PTPRR: variants seen among roughly 807,000 people sequenced by gnomAD.
PTPRR encodes receptor-type tyrosine-protein phosphatase R.
A neutral mutation model predicts 77.2 loss-of-function variants in PTPRR; 38 were observed. That is an observed-to-expected ratio of 0.49 (90% CI 0.38 to 0.65). The LOEUF (loss-of-function observed/expected upper bound fraction) is 0.65, where lower values mean the gene tolerates loss of function less well. Among genes scored for constraint, PTPRR ranks in the 30% least tolerant of loss-of-function variants. The pLI, the probability that PTPRR is intolerant of heterozygous loss-of-function variation, is 0.00. For missense variants in PTPRR, 744 were observed against 799.2 expected, an observed-to-expected ratio of 0.93 and a Z score of 0.83; for synonymous variants, 299 against 283.1, an observed-to-expected ratio of 1.06 and a Z score of -0.57.
chr12:70,777,722 C>G (rs1891119411), intron 2 of PTPRR, among the ~76,000 whole-genome samples: 1 of 152,144 alleles, frequency 6.6e-6, no homozygotes, highest in Admixed American at 6.5e-5. Context: ...TGGATGGGTC[C>G]AGGGTCACCC....
chr12:70,790,945 T>C (rs1891412173), intron 2 of PTPRR, among the ~76,000 whole-genome samples: 1 of 152,118 alleles, frequency 6.6e-6, no homozygotes. Context: ...CAGTTAGCAT[T>C]ACCTATCAAC....
At chr12:70,832,567 G>A (rs1391428798) in intron 2 of PTPRR, among the ~76,000 whole-genome samples, 2 of 152,062 alleles carry the variant, frequency 1.3e-5, no homozygotes, top group Non-Finnish European at 2.9e-5. Context: ...CTTACTTGCA[G>A]GTGACATGGT....
rs559649722 is a variant in PTPRR, at chr12:70,688,415, A to T, written c.1280-3632T>A. Among the ~76,000 whole-genome samples the T allele has an allele frequency of 4.3e-4, 66 of 152,346 alleles. 2 individuals are homozygous for T. In the South Asian group the frequency reaches 0.013, roughly 30 times the overall value. On this transcript the variant is annotated intron_variant, in intron 8 of 13. Transcript: ENST00000283228. ...TTGAATAGACATTTCTAAAAACAAG[A>T]CATGCAAATGTCCAACAGATCTACG...
intron 1 of PTPRR, among the ~76,000 whole-genome samples, chr12:70,911,599 T>C (rs1405859423): frequency 1.3e-5 from 2 of 152,178 alleles, no homozygotes; most frequent in African/African-American, 2.4e-5. Context: ...CTAGAATTCA[T>C]GTTTAGATGA....
chr12:70,647,547 A>G (rs1403244385), intron 13 of PTPRR, among the ~76,000 whole-genome samples: 1 of 152,254 alleles, frequency 6.6e-6, no homozygotes, highest in African/African-American at 2.4e-5. Context: ...GACATACCCA[A>G]GCCTAAATGA....
chr12:70,664,658 T>A (rs532126080), intron 10 of PTPRR: 1 of 152,230 alleles, frequency 6.6e-6, no homozygotes, highest in East Asian at 1.9e-4. Flanking sequence ...ACTTGATAAA[T>A]GGAAATGCTG....
At chr12:70,655,327 AC>A (rs1886537300) in intron 13 of PTPRR, among the ~76,000 whole-genome samples, 1 of 152,250 alleles carries the variant, frequency 6.6e-6, no homozygotes, top group South Asian at 2.1e-4. Flanking sequence ...TGCAGAAAAT[AC>A]TATGATGGTT....
intron 2 of PTPRR, among the ~76,000 whole-genome samples, chr12:70,887,331 C>A (rs10219703): frequency 0.68 from 103,189 of 151,772 alleles, 36,309 homozygotes; most frequent in African/African-American, 0.87. Context: ...CCGTGCCTAT[C>A]GTCCCAGCTA....
At chr12:70,672,541 A>G in intron 10 of PTPRR, 1 of 1,318,858 alleles carries the variant, frequency 7.6e-7, no homozygotes, top group East Asian at 2.5e-5. Context: ...GCTGCTGGGA[A>G]AAACCTTCAA....
At chr12:70,802,474 G>A (rs1432416624) in intron 2 of PTPRR, among the ~76,000 whole-genome samples, 1 of 152,128 alleles carries the variant, frequency 6.6e-6, no homozygotes, top group Non-Finnish European at 1.5e-5. Context: ...AATAATAATG[G>A]CAATGACAGG....
At chr12:70,757,478 A>G (rs1890589197) in intron 4 of PTPRR, among the ~76,000 whole-genome samples, 2 of 152,206 alleles carry the variant, frequency 1.3e-5, no homozygotes, top group African/African-American at 2.4e-5. Context: ...ATGAGTGCCT[A>G]TAATGTTCTA....
At chr12:70,878,377 C>T (rs1893089213) in intron 2 of PTPRR, among the ~76,000 whole-genome samples, 1 of 152,140 alleles carries the variant, frequency 6.6e-6, no homozygotes, top group Non-Finnish European at 1.5e-5. Flanking sequence ...TATCCAGAAT[C>T]TACAATGAAC....
intron 4 of PTPRR, 85 bp downstream of exon 4, chr12:70,761,386 C>G (rs1890687397): frequency 2.4e-6 from 3 of 1,248,498 alleles, no homozygotes; most frequent in Non-Finnish European, 3.2e-6. Context: ...TAAACAACTT[C>G]CATCTCAAAG....
chr12:70,794,920 A>C (rs1262763576), intron 2 of PTPRR, among the ~76,000 whole-genome samples: 1 of 150,286 alleles, frequency 6.7e-6, no homozygotes, highest in Non-Finnish European at 1.5e-5. Context: ...TGCAAAACTA[A>C]AAGAACCCTT....
rs1888959312 is a variant in PTPRR at position 70,714,810 on chromosome 12, G to A, written c.1008-13487C>T. On this transcript the variant is annotated intron_variant, in intron 6 of 13. Coordinates refer to ENST00000283228, the MANE Select transcript of PTPRR (RefSeq NM_002849.4). ...GACCAGCCAAGGGAACATGGCAAAAGCCCATCTCTACAAAAAATACAAAAA... is the reference window on the plus strand; with the variant it reads ...GACCAGCCAAGGGAACATGGCAAAAACCCATCTCTACAAAAAATACAAAAA... 5.3e-5 allele frequency among the ~76,000 whole-genome samples: 8 copies of A among 152,074 alleles called. No homozygotes were observed. The South Asian group carries it at 1.5e-3, about 28-fold the overall frequency.
chr12:70,767,413 A>G (rs1890853492), intron 2 of PTPRR, among the ~76,000 whole-genome samples: 1 of 150,294 alleles, frequency 6.7e-6, no homozygotes, highest in Non-Finnish European at 1.5e-5. Context: ...CAAAAGAGAC[A>G]AAGGCGGCCA....
intron 2 of PTPRR, among the ~76,000 whole-genome samples, chr12:70,882,032 T>C (rs1365725795): frequency 1.3e-5 from 2 of 152,224 alleles, no homozygotes. Context: ...ATTTCTTGTT[T>C]AGTTTCATAC....
intron 2 of PTPRR, among the ~76,000 whole-genome samples, chr12:70,864,619 T>C (rs1253143005): frequency 6.6e-6 from 1 of 152,220 alleles, no homozygotes; most frequent in Admixed American, 6.5e-5. Flanking sequence ...TGCCAGTCAC[T>C]CTCTGAGACT....
At chr12:70,702,685 G>T (rs2136787113) in intron 6 of PTPRR, among the ~76,000 whole-genome samples, 1 of 152,232 alleles carries the variant, frequency 6.6e-6, no homozygotes, top group African/African-American at 2.4e-5. Context: ...AATTTGATAT[G>T]TAATGTCATT....
Sources: gnomAD v4.1 joint callset for allele counts (sites outside exome capture counted in the v4.1 genomes callset) on GRCh38, gnomAD v4.1.1 for gene constraint, MANE v1.5 for transcripts, NCBI Gene and HGNC (gene_info 2026-07-23, HGNC 2026-07-21) for gene names.